The following TANC2 variants were observed in gnomAD, a reference collection of about 807,000 sequenced individuals.
TANC2 encodes protein TANC2.
A neutral mutation model predicts 210.5 loss-of-function variants in TANC2; 26 were observed. The ratio of observed to expected loss-of-function variants is 0.12; its 90% CI spans 0.09 to 0.17. The LOEUF (loss-of-function observed/expected upper bound fraction) is 0.17. TANC2 is among the 10% of genes least tolerant of loss of function. The probability of loss-of-function intolerance (pLI) is 1.00; values close to 1 mark genes in which losing one functional copy is unlikely to be tolerated. For synonymous variants in TANC2, 931 were observed against 967.1 expected (o/e 0.96, Z 0.69); for missense variants, 2,129 against 2,608.9 (o/e 0.82, Z 4.01).
intron 14 of TANC2, among the ~76,000 whole-genome samples, chr17:63,363,236 C>T (rs1366000839): frequency 1.3e-5 from 2 of 152,090 alleles, no homozygotes; most frequent in Non-Finnish European, 2.9e-5. Flanking sequence ...GTTGTTTGAG[C>T]TCTTTATATA....
chr17:63,012,180 C>T (rs2033903783), intron 2 of TANC2, among the ~76,000 whole-genome samples: 1 of 151,956 alleles, frequency 6.6e-6, no homozygotes, highest in African/African-American at 2.4e-5. Flanking sequence ...CCACACCTAG[C>T]TAATTTTTTT....
At chr17:63,205,371 A>AAAAAAAAAAAAAT (rs2041674823) in intron 7 of TANC2, among the ~76,000 whole-genome samples, 1 of 148,924 alleles carries the variant, frequency 6.7e-6, no homozygotes, top group African/African-American at 2.5e-5. Context: ...AAAAAAAAAA[A>AAAAAAAAAAAAAT]ACCTCATACA....
At chr17:63,172,265 C>A (rs1001655666) in intron 5 of TANC2, among the ~76,000 whole-genome samples, 14 of 151,188 alleles carry the variant, frequency 9.3e-5, no homozygotes, top group Non-Finnish European at 1.8e-4. Context: ...ATTCTCAACC[C>A]CCGCCTCTCA....
intron 8 of TANC2, among the ~76,000 whole-genome samples, chr17:63,254,458 C>T (rs1414789438): frequency 6.6e-6 from 1 of 152,050 alleles, no homozygotes; most frequent in African/African-American, 2.4e-5. Flanking sequence ...AGTTTGGATG[C>T]CCTATATTTC....
At chr17:63,362,273 T>C (rs1344096445) in intron 14 of TANC2, among the ~76,000 whole-genome samples, 1 of 152,210 alleles carries the variant, frequency 6.6e-6, no homozygotes, top group East Asian at 1.9e-4. Flanking sequence ...CCAGGGTTTT[T>C]ATGGGCTTCA....
exon 2 of TANC2, chr17:63,009,592 T>C: frequency 6.2e-7 from 1 of 1,613,152 alleles, no homozygotes; most frequent in Non-Finnish European, 8.5e-7. Context: ...TGCTGCTTAC[T>C]GGTGGGAAAT....
At chr17:63,253,377 C>G (rs906928402) in intron 8 of TANC2, among the ~76,000 whole-genome samples, 4 of 152,160 alleles carry the variant, frequency 2.6e-5, no homozygotes, top group Non-Finnish European at 2.9e-5. Flanking sequence ...CATATTTTCT[C>G]CCATTCTGTG....
chr17:63,332,466 G>T, intron 11 of TANC2: 1 of 409,748 alleles, frequency 2.4e-6, no homozygotes, highest in Non-Finnish European at 4.9e-6. Context: ...TGAGTAATCA[G>T]CATCTAACTT....
chr17:62,974,650 T>C (rs769025557), intron 1 of TANC2, among the ~76,000 whole-genome samples: 5 of 152,234 alleles, frequency 3.3e-5, no homozygotes, highest in Non-Finnish European at 7.3e-5. Context: ...GCTAAAATTG[T>C]AATTCAGAAT....
At chr17:63,029,781 A>G (rs773749235) in intron 2 of TANC2, among the ~76,000 whole-genome samples, 10 of 152,156 alleles carry the variant, frequency 6.6e-5, no homozygotes, top group Non-Finnish European at 1.3e-4. Context: ...CAGCAACAAT[A>G]TACTTGGAGG....
intron 4 of TANC2, among the ~76,000 whole-genome samples, chr17:63,104,147 A>G (rs1424191388): frequency 2.6e-5 from 4 of 152,138 alleles, no homozygotes; most frequent in Non-Finnish European, 4.4e-5. Context: ...AGACCTAAAA[A>G]TTGGGCAGGT....
chr17:63,354,813 A>G (rs1376199676), exon 14 of TANC2: 1 of 1,579,928 alleles, frequency 6.3e-7, no homozygotes, highest in Non-Finnish European at 8.6e-7. Flanking sequence ...TTTCCATAGG[A>G]TTTTTTTGGA....
intron 6 of TANC2, among the ~76,000 whole-genome samples, chr17:63,199,057 T>G (rs551951746): frequency 2.6e-4 from 39 of 152,278 alleles, no homozygotes; most frequent in Non-Finnish European, 5.3e-4. Context: ...GTATTTAAAT[T>G]AAAATCAAAA....
At chr17:63,054,164 T>C (rs2035683802) in intron 2 of TANC2, among the ~76,000 whole-genome samples, 1 of 152,240 alleles carries the variant, frequency 6.6e-6, no homozygotes, top group African/African-American at 2.4e-5. Flanking sequence ...CATTGAATTA[T>C]TATTAGTACT....
chr17:63,251,943 T>C (rs2043064086), intron 8 of TANC2, among the ~76,000 whole-genome samples: 1 of 152,180 alleles, frequency 6.6e-6, no homozygotes, highest in African/African-American at 2.4e-5. Context: ...TCTTCCTAGG[T>C]ATTTCAATAG....
intron 8 of TANC2, among the ~76,000 whole-genome samples, chr17:63,261,040 T>C (rs886693458): frequency 6.6e-6 from 1 of 152,142 alleles, no homozygotes; most frequent in African/African-American, 2.4e-5. Context: ...AAGACTAGCC[T>C]GGGCAATGTG....
intron 2 of TANC2, among the ~76,000 whole-genome samples, chr17:63,051,825 A>G (rs566596767): frequency 6.6e-6 from 1 of 152,330 alleles, no homozygotes; most frequent in Admixed American, 6.5e-5. Flanking sequence ...GATTTTGCCC[A>G]ACTGTAGGCT....
intron 8 of TANC2, among the ~76,000 whole-genome samples, chr17:63,245,440 G>A (rs998286407): frequency 2.0e-5 from 3 of 152,108 alleles, no homozygotes; most frequent in Non-Finnish European, 2.9e-5. Flanking sequence ...GGGCACAGTG[G>A]CTTACACCTG....
chr17:63,278,430 C>T (rs2043958558), intron 9 of TANC2, among the ~76,000 whole-genome samples: 1 of 151,628 alleles, frequency 6.6e-6, no homozygotes, highest in African/African-American at 2.4e-5. Flanking sequence ...TGAGATAGTA[C>T]CTCACACCTG....
Sources: gnomAD v4.1 joint callset for allele counts (sites outside exome capture counted in the v4.1 genomes callset) on GRCh38, gnomAD v4.1.1 for gene constraint, MANE v1.5 for transcripts, NCBI Gene and HGNC (gene_info 2026-07-23, HGNC 2026-07-21) for gene names.